PREX1: variants seen among roughly 807,000 people sequenced by gnomAD.
The protein encoded by PREX1 is phosphatidylinositol 3,4,5-trisphosphate-dependent Rac exchanger 1 protein.
A neutral mutation model predicts 198.3 loss-of-function variants in PREX1; 41 were observed. That is an observed-to-expected ratio of 0.21 (90% confidence interval 0.16 to 0.27). The LOEUF (loss-of-function observed/expected upper bound fraction) is 0.27, where lower values mean the gene tolerates loss of function less well. PREX1 is among the 10% of genes least tolerant of loss of function. PREX1 has a pLI of 1.00. For missense variants in PREX1, 1,620 were observed against 2,200.7 expected (o/e 0.74, Z 5.28); for synonymous variants, 843 against 887.2 (o/e 0.95, Z 0.89).
intron 5 of PREX1, among the ~76,000 whole-genome samples, chr20:48,712,580 G>T (rs1349741360): frequency 6.6e-6 from 1 of 152,186 alleles, no homozygotes; most frequent in African/African-American, 2.4e-5. Context: ...TGAAAAAAAG[G>T]CTGCTTCCCT....
chr20:48,679,340 G>T lies in PREX1; in HGVS notation c.1589+20C>A. 6.2e-7 allele frequency: 1 copy of T among 1,605,586 alleles called. No homozygotes were observed. The highest frequency in any genetic ancestry group is 1.1e-5 in the South Asian group (1 of 90,850). On this transcript the variant is annotated intron_variant, in intron 13 of 39. Transcript: ENST00000371941. ...GAGAAGAGGTAGAGGTGAAATTGGA[G>T]CTTGGAAAGAGTAACTTACTTGATC...
In PREX1 at chr20:48,691,412, T is replaced by G. The variant is rs890376599; in HGVS notation, c.1037-316A>C. ...AGCCCCAAAATGCTTCCTGGGCTCC[T>G]CCCATCTCACTCGGGCACTGGAGTT... On this transcript the variant is annotated intron_variant, in intron 8 of 39. Transcript: ENST00000371941. This position sits in a 1 kb window ranked among gnomAD's most constrained non-coding sequence, Gnocchi z 5.0. Among the ~76,000 whole-genome samples, 1 of 152,188 alleles carries G rather than the reference T, an allele frequency of 6.6e-6. No homozygotes were observed. Among genetic ancestry groups the G allele is most frequent in the South Asian group, 2.1e-4 (1 of 4,830 alleles).
chr20:48,824,224 C>T (rs530655333), intron 1 of PREX1, among the ~76,000 whole-genome samples: 3 of 152,138 alleles, frequency 2.0e-5, no homozygotes, highest in Non-Finnish European at 2.9e-5. Flanking sequence ...AATAAACACA[C>T]GCAAAACACC....
At position 48,627,437 on chromosome 20, in the gene PREX1, G is replaced by A. The variant is rs974210074; in HGVS notation, c.4937+111C>T. 8 of 1,224,678 alleles carry A rather than the reference G, an allele frequency of 6.5e-6. No homozygotes were observed. In the African/African-American group the frequency reaches 1.0e-4, roughly 16 times the overall value. The allele number at this position is 1,224,678 out of a possible 1,614,324, so 75.9% of individuals were successfully genotyped here. On this transcript the variant is annotated intron_variant, in intron 39 of 39. Coordinates refer to ENST00000371941, the MANE Select transcript of PREX1 (RefSeq NM_020820.4). ...TCAAAGAGGTTCCCCATAAATGAGAGGGGAAGCCCCATCTGAGCATTAGGG... is the reference window on the plus strand; with the variant it reads ...TCAAAGAGGTTCCCCATAAATGAGAAGGGAAGCCCCATCTGAGCATTAGGG...
At position 48,730,433 on chromosome 20, in the gene PREX1, A is replaced by G. The variant is rs563375968; in HGVS notation, c.520-4042T>C. Among the ~76,000 whole-genome samples the G allele has an allele frequency of 2.3e-3, 343 of 151,782 alleles. 3 individuals carry two copies. In the East Asian group the frequency reaches 0.044, roughly 19 times the overall value. ...AGCCACCACACACACACACACACACACACACACACACACACGCACATCCTG... is the reference window on the plus strand; with the variant it reads ...AGCCACCACACACACACACACACACGCACACACACACACACGCACATCCTG... On this transcript the variant is annotated intron_variant, in intron 4 of 39. Transcript: ENST00000371941.
chr20:48,713,515 G>A (rs1468969412), intron 5 of PREX1, among the ~76,000 whole-genome samples: 6 of 152,028 alleles, frequency 3.9e-5, no homozygotes, highest in Non-Finnish European at 8.8e-5. Flanking sequence ...AAGAATTGTA[G>A]GCGGTGGCCA....
At chr20:48,715,602 C>A (rs1027364706) in intron 5 of PREX1, among the ~76,000 whole-genome samples, 2 of 152,112 alleles carry the variant, frequency 1.3e-5, no homozygotes, top group Admixed American at 6.5e-5. Flanking sequence ...AGACTCACCC[C>A]CTAAGGCTAA....
At position 48,655,308 on chromosome 20, in the gene PREX1, C is replaced by T. The variant is rs139250516; in HGVS notation, c.2191G>A (p.Val731Ile). ...CACTCACCTCTCCCCACAGCATAGA[C>T]GTACGGTGGGGCAGCTCCACGAATC... is the stretch of plus-strand genomic sequence containing the variant. ...FQIRGAAPPY[V>I]YAVGRGSEAM... The change falls in exon 19 of 40, where the codon GTC (valine) becomes ATC (isoleucine). Residue 731 changes from valine (V) to isoleucine (I), a missense_variant. Val to Ile is a conservative substitution (Grantham distance 29). Transcript: ENST00000371941. 4.2e-5 allele frequency: 66 copies of T among 1,590,352 alleles called. 1 individual carries two copies. Among genetic ancestry groups the T allele is most frequent in the Middle Eastern group, 1.7e-4 (1 of 6,044 alleles).
chr20:48,818,634 T>A (rs1452707263), intron 1 of PREX1, among the ~76,000 whole-genome samples: 1 of 152,204 alleles, frequency 6.6e-6, no homozygotes, highest in East Asian at 1.9e-4. Context: ...ATGCAGGAAG[T>A]GGGCCTGAAA....
At chr20:48,697,593 C>A (rs899030904) in intron 7 of PREX1, among the ~76,000 whole-genome samples, 4 of 151,962 alleles carry the variant, frequency 2.6e-5, no homozygotes, top group African/African-American at 9.7e-5. Context: ...ACTGTGTTAG[C>A]CAGGATGGCC....
At position 48,811,738 on chromosome 20, in the gene PREX1, C is replaced by G. The variant is rs182196535; in HGVS notation, c.219+15904G>C. On this transcript the variant is annotated intron_variant, in intron 1 of 39. Transcript: ENST00000371941. The stretch of plus-strand genomic sequence containing the variant: ...CAGACCTGGATACACACACACACCC[C>G]TCACACTACTGATCACTGAAGTCAA... Among the ~76,000 whole-genome samples, 595 of 100,850 alleles carry G rather than the reference C, an allele frequency of 5.9e-3. 4 individuals carry two copies. Among genetic ancestry groups the G allele is most frequent in the Non-Finnish European group, 8.8e-3 (402 of 45,770 alleles). The allele number at this position is 100,850 out of a possible 152,430, so 66.2% of individuals were successfully genotyped here. A position where few individuals can be genotyped will look rare whatever the true frequency, so the allele number is the denominator to read the frequency against.
At chr20:48,730,632 A>C (rs904598120) in intron 4 of PREX1, among the ~76,000 whole-genome samples, 1 of 152,142 alleles carries the variant, frequency 6.6e-6, no homozygotes, top group African/African-American at 2.4e-5. Flanking sequence ...AGACATATGT[A>C]AGCATTTGTC....
At chr20:48,861,218 G>T in the PREX1 span, among the ~76,000 whole-genome samples, 318 of 152,290 alleles carry the variant, frequency 2.1e-3, 1 homozygote, top group Non-Finnish European at 3.9e-3. Flanking sequence ...AGGAGAGGTC[G>T]AGAGAAATGG....
At chr20:48,840,362 A>G in the PREX1 span, among the ~76,000 whole-genome samples, 1 of 151,904 alleles carries the variant, frequency 6.6e-6, no homozygotes, top group Non-Finnish European at 1.5e-5. Flanking sequence ...AAAGAAAAAA[A>G]AAAGCATATT....
intron 1 of PREX1, among the ~76,000 whole-genome samples, chr20:48,760,111 CAA>C (rs879506997): frequency 3.7e-5 from 5 of 135,274 alleles, no homozygotes; most frequent in Non-Finnish European, 3.2e-5. Context: ...GACCCTGCCT[CAA>C]AAAAAAAAAA....
chr20:48,870,329 G>A, the PREX1 span, among the ~76,000 whole-genome samples: 1 of 152,174 alleles, frequency 6.6e-6, no homozygotes, highest in Non-Finnish European at 1.5e-5. Context: ...CAAGCCAGCA[G>A]GCCCCAACTT....
chr20:48,721,932 G>A (rs1193771861), intron 5 of PREX1, among the ~76,000 whole-genome samples: 1 of 152,070 alleles, frequency 6.6e-6, no homozygotes, highest in African/African-American at 2.4e-5. Context: ...GCAACCAGAA[G>A]GACAGAGGGG....
chr20:48,712,995 G>A (rs545226929), intron 5 of PREX1, among the ~76,000 whole-genome samples: 10 of 152,206 alleles, frequency 6.6e-5, no homozygotes, highest in African/African-American at 2.2e-4. Context: ...GTGGCGGCAC[G>A]TGCCTGTAGT....
chr20:48,634,588 C>A, intron 33 of PREX1, 88 bp downstream of exon 33: 2 of 1,357,676 alleles, frequency 1.5e-6, no homozygotes, highest in Admixed American at 1.8e-5. Flanking sequence ...GGCCCAGAGG[C>A]AGGGGAAGGA....
Sources: gnomAD v4.1 joint callset for allele counts (sites outside exome capture counted in the v4.1 genomes callset) on GRCh38, gnomAD v4.1.1 for gene constraint, Gnocchi (gnomAD v3.1) non-coding constraint, MANE v1.5 for transcripts, NCBI Gene and HGNC (gene_info 2026-07-23, HGNC 2026-07-21) for gene names.